Variants in TSHZ3 observed in about 807,000 individuals in gnomAD.
TSHZ3 encodes the protein teashirt zinc finger homeobox 3.
Under a neutral mutation model 64.5 loss-of-function variants are expected in TSHZ3, and 10 were observed. The observed-to-expected ratio is 0.16, with a 90% CI of 0.10 to 0.26. The LOEUF is 0.26. TSHZ3 is among the 10% of genes least tolerant of loss of function. The pLI is 1.00. For missense variants in TSHZ3, 1,242 were observed against 1,421.7 expected (o/e 0.87, Z 2.03); for synonymous variants, 608 against 593.1 (o/e 1.03, Z -0.36).
intron 3 of TSHZ3, among the ~76,000 whole-genome samples, chr19:31,235,660 C>CT (rs2145179463): frequency 1.4e-5 from 1 of 71,226 alleles, no homozygotes; most frequent in South Asian, 4.2e-4. Context: ...CTATTTCTTT[C>CT]TATTTCTTTC....
chr19:31,338,839 CTTTT>C (rs1191797805), intron 1 of TSHZ3, among the ~76,000 whole-genome samples: 3 of 143,950 alleles, frequency 2.1e-5, no homozygotes, highest in South Asian at 2.5e-4. Context: ...TTCTTTCTTT[CTTTT>C]TTCTTTTTTT....
chr19:31,297,695 T>C (rs1181110117), intron 1 of TSHZ3, among the ~76,000 whole-genome samples: 4 of 152,172 alleles, frequency 2.6e-5, no homozygotes, highest in East Asian at 1.9e-4. Context: ...CTTGAACTCC[T>C]GGCCTTCAAC....
At chr19:31,230,452 A>C (rs1975524366) in intron 3 of TSHZ3, among the ~76,000 whole-genome samples, 1 of 152,152 alleles carries the variant, frequency 6.6e-6, no homozygotes, top group Admixed American at 6.6e-5. Context: ...AAAATGTATT[A>C]CTTTTTGTAA....
Position 31,335,235 on chromosome 19 carries a change from C to T in TSHZ3, c.40+13945G>A, listed in dbSNP as rs1317141442. Among the ~76,000 whole-genome samples, 7 of 152,324 alleles carry T rather than the reference C, an allele frequency of 4.6e-5. No homozygotes were observed. In the East Asian group the frequency reaches 5.8e-4, roughly 13 times the overall value. ...TTTGCCCTTCCCCGACGAACCGCCA[C>T]ATTTTGGAACTGCGTTGGCTGACAT... On this transcript the variant is annotated intron_variant, in intron 1 of 1. Transcript: ENST00000240587.
chr19:31,341,787 T>A (rs2145197933), intron 1 of TSHZ3, among the ~76,000 whole-genome samples: 1 of 152,270 alleles, frequency 6.6e-6, no homozygotes, highest in South Asian at 2.1e-4. Context: ...TCTTCCCTGG[T>A]TCCACGGCTA....
chr19:31,182,718 G>A (rs926544208), intron 5 of TSHZ3, among the ~76,000 whole-genome samples: 2 of 152,106 alleles, frequency 1.3e-5, no homozygotes, highest in Non-Finnish European at 2.9e-5. Context: ...CATACAACAC[G>A]TGTCCAATGT....
intron 1 of TSHZ3, among the ~76,000 whole-genome samples, chr19:31,332,204 T>C (rs1279282971): frequency 6.6e-6 from 1 of 152,164 alleles, no homozygotes; most frequent in Non-Finnish European, 1.5e-5. Context: ...CATCATAAAC[T>C]TTATTATTAC....
At position 31,315,505 on chromosome 19, in the gene TSHZ3, G is replaced by A. The variant is rs139714949; in HGVS notation, c.40+33675C>T. ...AGAGCCAGGCCAGGCCGCAGCAGTG[G>A]GGCCCCTCCTGCCCTCTGCCAGGGA... On this transcript the variant is annotated intron_variant, in intron 1 of 1. Transcript: ENST00000240587. Among the ~76,000 whole-genome samples, 831 of 152,312 alleles carry A rather than the reference G, an allele frequency of 5.5e-3. 12 individuals carry two copies. Among genetic ancestry groups the A allele is most frequent in the African/African-American group, 0.019 (793 of 41,558 alleles).
At position 31,175,743 on chromosome 19, in the gene TSHZ3, C is replaced by T. The variant is rs188733912; in HGVS notation, n.810-19326G>A. Reference sequence around the variant, plus strand: ...GATGGAACAGCTGTGTGTCTGCTCTCTGTTGCTCTGAGTGGAGGCGGCCAG... The same window carrying T: ...GATGGAACAGCTGTGTGTCTGCTCTTTGTTGCTCTGAGTGGAGGCGGCCAG... On this transcript the variant is annotated intron_variant and non_coding_transcript_variant, in intron 5 of 6. Transcript: ENST00000651361. Among the ~76,000 whole-genome samples, 11 of 152,358 alleles carry T rather than the reference C, an allele frequency of 7.2e-5. No individual in the cohort carries two copies. The East Asian group carries it at 1.9e-3, about 27-fold the overall frequency.
intron 4 of TSHZ3, among the ~76,000 whole-genome samples, chr19:31,206,171 C>T (rs986077945): frequency 3.4e-5 from 5 of 145,104 alleles, no homozygotes; most frequent in African/African-American, 1.0e-4. Flanking sequence ...ATGGATAGAT[C>T]GATGAGTGGA....
intron 1 of TSHZ3, among the ~76,000 whole-genome samples, chr19:31,269,907 G>A (rs754886060): frequency 5.1e-4 from 78 of 152,288 alleles, no homozygotes; most frequent in Non-Finnish European, 9.1e-4. Context: ...CAGTACCCCC[G>A]CATGGAGGCT....
chr19:31,324,569 C>T (rs1343648816), intron 1 of TSHZ3, among the ~76,000 whole-genome samples: 1 of 152,226 alleles, frequency 6.6e-6, no homozygotes, highest in Non-Finnish European at 1.5e-5. Flanking sequence ...TGGGAAGTGA[C>T]TTACCACTGG....
intron 1 of TSHZ3, among the ~76,000 whole-genome samples, chr19:31,245,854 T>C (rs1490604168): frequency 1.3e-5 from 2 of 152,194 alleles, no homozygotes; most frequent in African/African-American, 2.4e-5. Flanking sequence ...TGCAGCCACA[T>C]TGGAATCCAT....
At chr19:31,151,881 G>C (rs893931224) in intron 6 of TSHZ3, among the ~76,000 whole-genome samples, 22 of 152,188 alleles carry the variant, frequency 1.4e-4, no homozygotes, top group Admixed American at 1.1e-3. Context: ...AAAGAGGTAA[G>C]ATTTAATGAT....
chr19:31,265,395 C>CT (rs1976039371), intron 1 of TSHZ3, among the ~76,000 whole-genome samples: 1 of 13,992 alleles, frequency 7.1e-5, no homozygotes, highest in Non-Finnish European at 1.3e-4. Context: ...AAAACTCTGT[C>CT]TCAAAAAAAA....
intron 4 of TSHZ3, among the ~76,000 whole-genome samples, chr19:31,220,912 T>G (rs962680018): frequency 6.6e-6 from 1 of 152,226 alleles, no homozygotes; most frequent in African/African-American, 2.4e-5. Context: ...CACCACTTCC[T>G]TTTGAAGCAG....
chr19:31,241,101 A>G (rs1568357029), intron 3 of TSHZ3, among the ~76,000 whole-genome samples: 1 of 152,178 alleles, frequency 6.6e-6, no homozygotes, highest in Non-Finnish European at 1.5e-5. Flanking sequence ...ACTGCACACC[A>G]CAGATTATAT....
chr19:31,220,978 T>C (rs1238531744), intron 4 of TSHZ3, among the ~76,000 whole-genome samples: 4 of 152,188 alleles, frequency 2.6e-5, no homozygotes, highest in Non-Finnish European at 5.9e-5. Flanking sequence ...ACAGCATAGA[T>C]GCCAAACTAG....
rs989975186 is a variant in TSHZ3, at chr19:31,319,001, A to T, written c.40+30179T>A. ...TGCCATGGCTAAAAGCAGCTCATTA[A>T]TCTCAGCTCTGTCTGATCAAGGATC... is the stretch of plus-strand genomic sequence containing the variant. On this transcript the variant is annotated intron_variant, in intron 1 of 1. Transcript: ENST00000240587. Among the ~76,000 whole-genome samples, 8 of 152,234 alleles carry T rather than the reference A, an allele frequency of 5.3e-5. No individual in the cohort carries two copies. In the South Asian group the frequency reaches 6.2e-4, roughly 12 times the overall value.
Sources: allele counts gnomAD v4.1 joint callset (sites outside exome capture counted in the v4.1 genomes callset), GRCh38; gene constraint gnomAD v4.1.1; transcripts MANE v1.5; gene names NCBI Gene and HGNC (gene_info 2026-07-23, HGNC 2026-07-21).